The following UNC5D variants were observed in gnomAD, a reference collection of about 807,000 sequenced individuals.
The protein encoded by UNC5D is unc-5 netrin receptor D.
UNC5D carries 39 observed loss-of-function variants against 105.4 expected under a neutral mutation model. That is an observed-to-expected ratio of 0.37 (90% CI 0.29 to 0.48). The LOEUF (loss-of-function observed/expected upper bound fraction) is 0.48. UNC5D is among the 20% of genes least tolerant of loss of function. The pLI is 0.98. For missense variants in UNC5D, 991 were observed against 1,202.4 expected (o/e 0.82, Z 2.60); for synonymous variants, 452 against 450.4 (o/e 1.00, Z -0.04).
intron 16 of UNC5D, among the ~76,000 whole-genome samples, chr8:35,785,108 G>A (rs1000486722): frequency 6.6e-6 from 1 of 151,752 alleles, no homozygotes; most frequent in Non-Finnish European, 1.5e-5. Flanking sequence ...AACTATTGCT[G>A]TGAATTCTGT....
intron 9 of UNC5D, chr8:35,724,110 AG>A (rs1280856972): frequency 1.4e-6 from 2 of 1,387,024 alleles, no homozygotes; most frequent in African/African-American, 2.9e-5. Flanking sequence ...GCAGGTGAGA[AG>A]GGTGGATCCC....
intron 4 of UNC5D, among the ~76,000 whole-genome samples, chr8:35,603,958 C>T (rs1263926756): frequency 6.6e-6 from 1 of 152,092 alleles, no homozygotes; most frequent in Non-Finnish European, 1.5e-5. Flanking sequence ...AGATGGGTTT[C>T]CTGAATACAG....
At chr8:35,787,776 C>T (rs1472049940) in intron 16 of UNC5D, among the ~76,000 whole-genome samples, 1 of 152,040 alleles carries the variant, frequency 6.6e-6, no homozygotes, top group African/African-American at 2.4e-5. Flanking sequence ...CACCACTGCA[C>T]CCTGGCTAAT....
At chr8:35,664,589 G>C (rs892636738) in intron 4 of UNC5D, among the ~76,000 whole-genome samples, 1 of 152,040 alleles carries the variant, frequency 6.6e-6, no homozygotes, top group Non-Finnish European at 1.5e-5. Flanking sequence ...AAGTTAGCCA[G>C]GCTGGCCTTG....
intron 12 of UNC5D, among the ~76,000 whole-genome samples, chr8:35,748,931 AT>A (rs1351218347): frequency 3.9e-5 from 6 of 152,236 alleles, no homozygotes; most frequent in Non-Finnish European, 7.3e-5. Context: ...TACAGTTGTA[AT>A]TACCCATATA....
chr8:35,383,449 G>T (rs1803166174), intron 1 of UNC5D, among the ~76,000 whole-genome samples: 2 of 152,236 alleles, frequency 1.3e-5, no homozygotes, highest in Admixed American at 6.5e-5. Flanking sequence ...TTAGATAATT[G>T]TATACCCATT....
At position 35,790,560 on chromosome 8, in the gene UNC5D, C is replaced by G. The variant is rs777355355; in HGVS notation, c.2859C>G (p.Leu953=). The change falls in exon 17 of 17, where the codon CTC becomes CTG. Residue 953 remains leucine (L), a synonymous_variant. Coordinates refer to ENST00000404895, the MANE Select transcript of UNC5D (RefSeq NM_080872.4). ...ADFNYSRQNG[L] is the part of the protein sequence containing the mutation. ...TCAACTACAGCAGGCAAAATGGACT[C>G]TAGTCCACTTCCTCCCATGAGACAG... 2 of 1,613,620 alleles carry G rather than the reference C, an allele frequency of 1.2e-6. No homozygotes were observed. Among genetic ancestry groups the G allele is most frequent in the Admixed American group, 1.7e-5 (1 of 59,960 alleles).
chr8:35,686,523 T>C, intron 6 of UNC5D, 22 bp from the exon 7 acceptor site: 2 of 1,538,460 alleles, frequency 1.3e-6, no homozygotes, highest in Non-Finnish European at 8.7e-7. Flanking sequence ...CTAACAATGG[T>C]TTCTTTTGTT....
At chr8:35,568,546 A>C (rs1481942460) in intron 3 of UNC5D, among the ~76,000 whole-genome samples, 1 of 152,096 alleles carries the variant, frequency 6.6e-6, no homozygotes, top group Non-Finnish European at 1.5e-5. Flanking sequence ...AAAATTAGCT[A>C]GGTGTGGTGG....
chr8:35,592,029 G>A (rs1563567748), intron 3 of UNC5D, among the ~76,000 whole-genome samples: 1 of 152,082 alleles, frequency 6.6e-6, no homozygotes, highest in Non-Finnish European at 1.5e-5. Flanking sequence ...AATATTTTCT[G>A]TTAAACCAAT....
At chr8:35,639,966 C>T (rs1468676769) in intron 4 of UNC5D, among the ~76,000 whole-genome samples, 7 of 151,870 alleles carry the variant, frequency 4.6e-5, no homozygotes, top group Admixed American at 1.3e-4. Context: ...CATAAGCGAT[C>T]GTCCTGCCTC....
chr8:35,307,187 A>C (rs1198097735), intron 1 of UNC5D, among the ~76,000 whole-genome samples: 1 of 152,242 alleles, frequency 6.6e-6, no homozygotes, highest in Non-Finnish European at 1.5e-5. Flanking sequence ...GGCTCTGTTC[A>C]AAGCTGTCCT....
chr8:35,716,737 G>A (rs1828270536), intron 8 of UNC5D, among the ~76,000 whole-genome samples: 1 of 152,164 alleles, frequency 6.6e-6, no homozygotes, highest in African/African-American at 2.4e-5. Flanking sequence ...GAAAGGCAGA[G>A]ATATTACGAG....
chr8:35,512,505 T>TATAC (rs1812796053), intron 1 of UNC5D, among the ~76,000 whole-genome samples: 1 of 112,380 alleles, frequency 8.9e-6, no homozygotes, highest in Non-Finnish European at 1.8e-5. Context: ...TATATATATA[T>TATAC]ATATCTGCAT....
chr8:35,438,515 A>G (rs1452556426), intron 1 of UNC5D, among the ~76,000 whole-genome samples: 1 of 151,984 alleles, frequency 6.6e-6, no homozygotes, highest in African/African-American at 2.4e-5. Flanking sequence ...AAGCAAAGAT[A>G]TGTGGGCATC....
Position 35,781,649 on chromosome 8 carries a change from CTAAT to C in UNC5D, c.2657+7174_2657+7177del, listed in dbSNP as rs1479915190. Among the ~76,000 whole-genome samples the C allele has an allele frequency of 8.5e-5, 13 of 152,214 alleles. No individual in the cohort carries two copies. In the South Asian group the frequency reaches 1.9e-3, roughly 22 times the overall value. ...TGTAAAATCCTAGGAATGATTGTAT[CTAAT>C]TTATTAGTGTCCTTCAAGTGATTAA... On this transcript the variant is annotated intron_variant, in intron 16 of 16. Coordinates refer to ENST00000404895, the MANE Select transcript of UNC5D (RefSeq NM_080872.4).
chr8:35,331,037 T>G (rs983767322), intron 1 of UNC5D, among the ~76,000 whole-genome samples: 1 of 152,194 alleles, frequency 6.6e-6, no homozygotes, highest in Admixed American at 6.5e-5. Flanking sequence ...TAAGCTAAGA[T>G]CATATTAAGT....
intron 1 of UNC5D, among the ~76,000 whole-genome samples, chr8:35,393,235 G>A (rs887090253): frequency 1.4e-5 from 2 of 138,994 alleles, no homozygotes; most frequent in Non-Finnish European, 3.0e-5. Context: ...TGGGGTTCAT[G>A]CCATTCTCCT....
At chr8:35,697,571 C>G (rs1216108143) in intron 7 of UNC5D, among the ~76,000 whole-genome samples, 2 of 152,100 alleles carry the variant, frequency 1.3e-5, no homozygotes, top group Admixed American at 1.3e-4. Context: ...CAAGTAGCCA[C>G]AACATCCTAT....
Sources: allele counts gnomAD v4.1 joint callset (sites outside exome capture counted in the v4.1 genomes callset), GRCh38; gene constraint gnomAD v4.1.1; transcripts MANE v1.5; gene names NCBI Gene and HGNC (gene_info 2026-07-23, HGNC 2026-07-21).